MREG: variants seen among roughly 807,000 people sequenced by gnomAD.
MREG encodes dilute suppressor protein homolog.
In MREG, 31 loss-of-function variants were observed where a neutral mutation model predicts 28.5. That is an observed-to-expected ratio of 1.09 (90% CI 0.82 to 1.47). The LOEUF (loss-of-function observed/expected upper bound fraction) is 1.47. Among genes scored for constraint, MREG ranks in the 40% most tolerant of loss-of-function variants. The pLI, the probability that MREG is intolerant of heterozygous loss-of-function variation, is 0.00. For missense variants in MREG, 256 were observed against 257.4 expected, an observed-to-expected ratio of 0.99 and a Z score of 0.04; for synonymous variants, 106 against 95.2, an observed-to-expected ratio of 1.11 and a Z score of -0.66.
chr2:216,024,646 G>C (rs1482931043), intron 1 of MREG, among the ~76,000 whole-genome samples: 2 of 152,042 alleles, frequency 1.3e-5, no homozygotes, highest in Non-Finnish European at 2.9e-5. Context: ...GGCCGAGGCG[G>C]GTGGATCACC....
intron 2 of MREG, among the ~76,000 whole-genome samples, chr2:215,975,981 G>A (rs553305756): frequency 3.9e-5 from 6 of 152,222 alleles, no homozygotes; most frequent in East Asian, 1.9e-4. Context: ...AGCTACTCGC[G>A]GGGGGCGTGG....
intron 2 of MREG, among the ~76,000 whole-genome samples, chr2:215,989,242 C>A (rs1283073098): frequency 3.3e-5 from 5 of 152,178 alleles, no homozygotes; most frequent in Non-Finnish European, 7.3e-5. Context: ...CTGGTGATAC[C>A]CAGGCAAACA....
intron 2 of MREG, among the ~76,000 whole-genome samples, chr2:215,951,862 A>C (rs1395447243): frequency 6.6e-6 from 1 of 152,190 alleles, no homozygotes; most frequent in Non-Finnish European, 1.5e-5. Flanking sequence ...TAAGCTCCTC[A>C]GATCACTTTC....
chr2:216,031,571 GAAGGA>G (rs1694700574), intron 1 of MREG, among the ~76,000 whole-genome samples: 1 of 144,134 alleles, frequency 6.9e-6, no homozygotes, highest in South Asian at 2.2e-4. Flanking sequence ...GGGAAGGAAG[GAAGGA>G]AAGAAAGAAG....
chr2:216,025,538 A>T (rs1181292621), intron 1 of MREG, among the ~76,000 whole-genome samples: 2 of 152,250 alleles, frequency 1.3e-5, no homozygotes, highest in Non-Finnish European at 2.9e-5. Flanking sequence ...CCCTATGGGG[A>T]GTTCTAAAGA....
At chr2:215,968,225 C>T (rs1270170387) in intron 2 of MREG, among the ~76,000 whole-genome samples, 1 of 152,118 alleles carries the variant, frequency 6.6e-6, no homozygotes, top group Admixed American at 6.5e-5. Context: ...GGCCCAAACC[C>T]CAGGAACCCC....
At chr2:216,024,451 A>C (rs1574662095) in intron 1 of MREG, among the ~76,000 whole-genome samples, 2 of 148,222 alleles carry the variant, frequency 1.3e-5, no homozygotes, top group South Asian at 2.1e-4. Flanking sequence ...CTCAGTCTCA[A>C]AAAAAAAAAA....
intron 1 of MREG, among the ~76,000 whole-genome samples, chr2:215,998,431 C>T (rs1693931122): frequency 6.6e-6 from 1 of 152,078 alleles, no homozygotes; most frequent in African/African-American, 2.4e-5. Context: ...AGGAGACCAG[C>T]TACCTGAATC....
downstream of MREG, among the ~76,000 whole-genome samples, chr2:215,942,147 G>A (rs1474671254): frequency 1.3e-5 from 2 of 152,038 alleles, no homozygotes; most frequent in Non-Finnish European, 2.9e-5. Context: ...TGGTTAGAGG[G>A]TTTTCTCCTG....
At chr2:215,949,925 C>T (rs956193330) in intron 2 of MREG, among the ~76,000 whole-genome samples, 2 of 152,186 alleles carry the variant, frequency 1.3e-5, no homozygotes, top group Non-Finnish European at 2.9e-5. Context: ...TCTCACTATA[C>T]TTTTATGTAA....
upstream of MREG, among the ~76,000 whole-genome samples, chr2:216,016,512 T>C (rs1694451441): frequency 6.6e-6 from 1 of 152,180 alleles, no homozygotes; most frequent in East Asian, 1.9e-4. Context: ...CTGTGCCCCA[T>C]TACTAACTTT....
chr2:215,970,412 C>A (rs759824062), intron 2 of MREG, among the ~76,000 whole-genome samples: 1 of 152,156 alleles, frequency 6.6e-6, no homozygotes, highest in Non-Finnish European at 1.5e-5. Flanking sequence ...AACAGCAGCC[C>A]CAGCAAACCA....
chr2:216,016,787 G>A (rs1694454809), upstream of MREG, among the ~76,000 whole-genome samples: 1 of 152,180 alleles, frequency 6.6e-6, no homozygotes, highest in African/African-American at 2.4e-5. Flanking sequence ...CATCTTTTAT[G>A]TGGTTTGTTT....
At chr2:216,013,172 A>T in intron 1 of MREG, 61 bp downstream of exon 1, 1 of 1,463,938 alleles carries the variant, frequency 6.8e-7, no homozygotes, top group Non-Finnish European at 9.3e-7. Context: ...AGGTGTCCAC[A>T]CTCTCGGCGC....
intron 2 of MREG, among the ~76,000 whole-genome samples, chr2:215,983,564 C>T (rs4672788): frequency 0.96 from 145,651 of 152,352 alleles, 69,693 homozygotes; most frequent in African/African-American, 0.97. Context: ...GTAGTCTTCA[C>T]GTACTGGGGG....
intron 2 of MREG, among the ~76,000 whole-genome samples, chr2:215,947,664 C>T (rs1692356062): frequency 6.6e-6 from 1 of 152,164 alleles, no homozygotes; most frequent in Admixed American, 6.5e-5. Flanking sequence ...CTATGTCTCC[C>T]TTTGTAGTCA....
chr2:215,983,738 G>A (rs77938224), intron 2 of MREG, among the ~76,000 whole-genome samples: 3,713 of 152,306 alleles, frequency 0.024, 67 homozygotes, highest in Non-Finnish European at 0.036. Flanking sequence ...TTGGCCAAGT[G>A]TGGTTTTCAG....
chr2:215,969,274 G>A (rs1034935996), intron 2 of MREG, among the ~76,000 whole-genome samples: 1 of 152,104 alleles, frequency 6.6e-6, no homozygotes, highest in Non-Finnish European at 1.5e-5. Context: ...TTTCATTTGA[G>A]GGAAGAGTTC....
intron 2 of MREG, among the ~76,000 whole-genome samples, chr2:215,995,162 A>G (rs1032336053): frequency 1.1e-4 from 17 of 152,188 alleles, no homozygotes; most frequent in African/African-American, 3.9e-4. Flanking sequence ...AGCATTGCCC[A>G]TCACAGAGGG....
Sources: gnomAD v4.1 joint callset for allele counts (sites outside exome capture counted in the v4.1 genomes callset) on GRCh38, gnomAD v4.1.1 for gene constraint, MANE v1.5 for transcripts, NCBI Gene and HGNC (gene_info 2026-07-23, HGNC 2026-07-21) for gene names.